KCNIP1: variants seen among roughly 807,000 people sequenced by gnomAD.
KCNIP1 encodes A-type potassium channel modulatory protein KCNIP1.
In KCNIP1, 18 loss-of-function variants were observed where a neutral mutation model predicts 33.0. The ratio of observed to expected loss-of-function variants is 0.55; its 90% CI spans 0.38 to 0.81. The LOEUF (loss-of-function observed/expected upper bound fraction) is 0.81. Ranked by LOEUF, KCNIP1 falls within the 30% of genes least tolerant of loss-of-function variation. The pLI is 0.00. For synonymous variants in KCNIP1, 93 were observed against 98.3 expected, an observed-to-expected ratio of 0.95 and a Z score of 0.32; for missense variants, 238 against 271.6, an observed-to-expected ratio of 0.88 and a Z score of 0.87.
rs1412195203 is a variant in KCNIP1, at chr5:170,504,199, G to A, written c.-374G>A. The A allele has an allele frequency of 3.9e-6, 4 of 1,033,784 alleles. No individual in the cohort carries two copies. The highest frequency in any genetic ancestry group is 4.6e-6 in the Non-Finnish European group (4 of 862,536). 64.0% of individuals were successfully genotyped at this position (1,033,784 alleles called of 1,614,324 possible). ...GAGGGGCGGGCGGACGGCGGCTCCC[G>A]CACCGCACGCGGCGCTGGCTCGGCA... On this transcript the variant is annotated 5_prime_UTR_variant, in exon 1 of 8. Coordinates refer to ENST00000328939, the MANE Select transcript of KCNIP1 (RefSeq NM_014592.4). This position sits in a 1 kb window ranked among gnomAD's most constrained non-coding sequence, Gnocchi z 6.0.
At chr5:170,484,027 C>G (rs777972301) in intron 1 of KCNIP1, 1 of 152,192 alleles carries the variant, frequency 6.6e-6, no homozygotes, top group Non-Finnish European at 1.5e-5. Context: ...TCAGGTCCCT[C>G]GGTGAGACTG....
At chr5:170,674,141 A>G (rs1197288927) in intron 1 of KCNIP1, among the ~76,000 whole-genome samples, 1 of 49,512 alleles carries the variant, frequency 2.0e-5, no homozygotes, top group Non-Finnish European at 4.0e-5. Context: ...GGAAGGAAGG[A>G]AGGAAGGAAG....
chr5:170,403,561 G>A (rs950965276), intron 1 of KCNIP1, among the ~76,000 whole-genome samples: 5 of 152,152 alleles, frequency 3.3e-5, no homozygotes, highest in South Asian at 2.1e-4. Flanking sequence ...ACTCTCAAAT[G>A]TGCCCTAGTT....
intron 1 of KCNIP1, among the ~76,000 whole-genome samples, chr5:170,477,033 TGA>T (rs1000397023): frequency 6.6e-6 from 1 of 152,150 alleles, no homozygotes; most frequent in Non-Finnish European, 1.5e-5. Context: ...AATGTTGAAG[TGA>T]GGGAAGCTGT....
rs1041420358 is a variant in KCNIP1, at chr5:170,564,994, T to C, written c.61+60361T>C. Among the ~76,000 whole-genome samples the C allele has an allele frequency of 2.6e-5, 4 of 152,254 alleles. No homozygotes were observed. In the South Asian group the frequency reaches 8.3e-4, roughly 32 times the overall value. On this transcript the variant is annotated intron_variant, in intron 1 of 7. Transcript: ENST00000328939. ...ACCTAGGTTACCTGGCCCCAAGTCC[T>C]GTGCCCTTTTAATTTTACTTCCGTA...
At chr5:170,700,872 A>G (rs551949909) in intron 1 of KCNIP1, among the ~76,000 whole-genome samples, 122 of 152,312 alleles carry the variant, frequency 8.0e-4, no homozygotes, top group African/African-American at 2.8e-3. Context: ...AGGACCAGAA[A>G]TTGTTGGTGA....
At chr5:170,434,566 C>T (rs1755817511) in intron 1 of KCNIP1, among the ~76,000 whole-genome samples, 1 of 152,132 alleles carries the variant, frequency 6.6e-6, no homozygotes, top group South Asian at 2.1e-4. Context: ...TGCTGTCTTT[C>T]CTGGTCTCTG....
At position 170,733,834 on chromosome 5, in the gene KCNIP1, A is replaced by T; in HGVS notation, c.541-2A>T. 6.2e-7 allele frequency: 1 copy of T among 1,612,786 alleles called. No individual in the cohort carries two copies. The highest frequency in any genetic ancestry group is 8.5e-7 in the Non-Finnish European group (1 of 1,178,802). On this transcript the variant is annotated splice_acceptor_variant, in intron 6 of 7. Transcript: ENST00000328939. LOFTEE classifies it high-confidence loss of function. ...TAAAGTGCTTTCTGTTATGTCTTTC[A>T]GAAAATGGACAAAAATAAAGATGGC...
At chr5:170,468,700 G>A (rs1471459149) in intron 1 of KCNIP1, among the ~76,000 whole-genome samples, 1 of 151,800 alleles carries the variant, frequency 6.6e-6, no homozygotes, top group Non-Finnish European at 1.5e-5. Context: ...GGGCAACATG[G>A]AGAAACCTTA....
chr5:170,624,494 C>T (rs981205064), intron 1 of KCNIP1, among the ~76,000 whole-genome samples: 6 of 152,038 alleles, frequency 3.9e-5, no homozygotes, highest in African/African-American at 1.5e-4. Context: ...CTCCATTTTA[C>T]AATCATTTTA....
chr5:170,533,613 A>T (rs572008969), intron 1 of KCNIP1, among the ~76,000 whole-genome samples: 14 of 152,314 alleles, frequency 9.2e-5, no homozygotes, highest in Admixed American at 9.2e-4. Context: ...GTGTCACTGG[A>T]TCAGTCACTC....
At chr5:170,698,603 G>C (rs960463884) in intron 1 of KCNIP1, among the ~76,000 whole-genome samples, 1 of 152,126 alleles carries the variant, frequency 6.6e-6, no homozygotes, top group African/African-American at 2.4e-5. Flanking sequence ...TCTGATCACT[G>C]CAAGACCCCC....
At chr5:170,367,512 T>C (rs1391186258) in intron 1 of KCNIP1, among the ~76,000 whole-genome samples, 1 of 152,006 alleles carries the variant, frequency 6.6e-6, no homozygotes, top group Non-Finnish European at 1.5e-5. Flanking sequence ...AGTAGGGGCC[T>C]AACAAATGGA....
intron 1 of KCNIP1, among the ~76,000 whole-genome samples, chr5:170,366,857 C>T (rs919115825): frequency 2.0e-5 from 3 of 152,212 alleles, no homozygotes; most frequent in East Asian, 1.9e-4. Flanking sequence ...CAAGACCCCT[C>T]GCCTCCTCCC....
chr5:170,428,047 A>G (rs552528545), intron 1 of KCNIP1, among the ~76,000 whole-genome samples: 2 of 152,292 alleles, frequency 1.3e-5, no homozygotes, highest in African/African-American at 4.8e-5. Flanking sequence ...CTTCAAAACC[A>G]TGCTCAACTA....
chr5:170,489,714 G>A lies in KCNIP1; in HGVS notation c.88+135750G>A, dbSNP rs1757169839. On this transcript the variant is annotated intron_variant, in intron 1 of 7. Transcript: ENST00000377360. This position sits in a 1 kb window ranked among gnomAD's most constrained non-coding sequence, Gnocchi z 4.3. Reference sequence around the variant, plus strand: ...CAATTTGAGAAAAAATGGAGGCTCAGGGCAGAAGTTACCCCCTTTACAACT... The same window carrying A: ...CAATTTGAGAAAAAATGGAGGCTCAAGGCAGAAGTTACCCCCTTTACAACT... Among the ~76,000 whole-genome samples the A allele has an allele frequency of 6.6e-6, 1 of 152,226 alleles. No individual in the cohort carries two copies. Among genetic ancestry groups the A allele is most frequent in the Non-Finnish European group, 1.5e-5 (1 of 68,042 alleles).
intron 1 of KCNIP1, among the ~76,000 whole-genome samples, chr5:170,713,465 C>T (rs1763529429): frequency 6.6e-6 from 1 of 152,160 alleles, no homozygotes. Context: ...GGGTGAACAA[C>T]AGGACATCCT....
intron 1 of KCNIP1, among the ~76,000 whole-genome samples, chr5:170,410,497 G>A (rs2113404854): frequency 6.8e-6 from 1 of 147,180 alleles, no homozygotes; most frequent in African/African-American, 2.6e-5. Context: ...GGAATAGGAA[G>A]GCTGGCTTTT....
intron 1 of KCNIP1, among the ~76,000 whole-genome samples, chr5:170,699,555 T>TA (rs1561771758): frequency 8.5e-6 from 1 of 118,224 alleles, no homozygotes; most frequent in Non-Finnish European, 1.7e-5. Context: ...AATTGCTCTG[T>TA]GAAAAAAAAA....
Sources: allele counts gnomAD v4.1 joint callset (sites outside exome capture counted in the v4.1 genomes callset), GRCh38; gene constraint gnomAD v4.1.1; non-coding constraint Gnocchi (gnomAD v3.1); transcripts MANE v1.5; gene names NCBI Gene and HGNC (gene_info 2026-07-23, HGNC 2026-07-21).